Variants in CAMKMT observed in about 807,000 individuals in gnomAD.
The protein encoded by CAMKMT is CaM KMT.
In CAMKMT, 53 loss-of-function variants were observed where a neutral mutation model predicts 48.0. The ratio of observed to expected loss-of-function variants is 1.10; its 90% CI spans 0.89 to 1.39. CAMKMT has a LOEUF of 1.39. Ranked by LOEUF, CAMKMT falls within the 40% of genes most tolerant of loss-of-function variation. CAMKMT has a pLI of 0.00. For missense variants in CAMKMT, 428 were observed against 402.7 expected (o/e 1.06, Z -0.54); for synonymous variants, 165 against 152.3 (o/e 1.08, Z -0.61).
chr2:44,685,351 G>A (rs1033707543), intron 3 of CAMKMT, among the ~76,000 whole-genome samples: 3 of 152,146 alleles, frequency 2.0e-5, no homozygotes, highest in African/African-American at 7.2e-5. Flanking sequence ...AATCAAGGGA[G>A]GGAGAAAGCA....
At chr2:44,459,313 T>C (rs1488497417) in intron 3 of CAMKMT, among the ~76,000 whole-genome samples, 1 of 152,208 alleles carries the variant, frequency 6.6e-6, no homozygotes, top group Non-Finnish European at 1.5e-5. Flanking sequence ...AATGCCTGAT[T>C]ATACACAAAC....
chr2:44,605,328 A>G (rs964928383), intron 3 of CAMKMT, among the ~76,000 whole-genome samples: 2 of 152,064 alleles, frequency 1.3e-5, no homozygotes, highest in Admixed American at 6.5e-5. Flanking sequence ...TGTTTTTGTT[A>G]TGGCCTTTAC....
intron 3 of CAMKMT, among the ~76,000 whole-genome samples, chr2:44,439,777 C>T (rs1666524641): frequency 6.7e-6 from 1 of 149,316 alleles, no homozygotes. Context: ...GAGCAAGACT[C>T]CATCTCATAA....
intron 3 of CAMKMT, among the ~76,000 whole-genome samples, chr2:44,490,981 C>G (rs1051999900): frequency 7.2e-5 from 11 of 151,894 alleles, no homozygotes; most frequent in Non-Finnish European, 1.5e-5. Context: ...GAAACCTTGT[C>G]TCTACAAAAA....
At chr2:44,525,263 A>AT (rs990155792) in intron 3 of CAMKMT, among the ~76,000 whole-genome samples, 3,545 of 150,068 alleles carry the variant, frequency 0.024, 154 homozygotes, top group African/African-American at 0.082. Flanking sequence ...CTAAAGAGAT[A>AT]TTTTTTTTTT....
intron 3 of CAMKMT, chr2:44,456,475 C>T: frequency 6.9e-7 from 1 of 1,453,620 alleles, no homozygotes; most frequent in South Asian, 1.3e-5. Flanking sequence ...TATGTACATT[C>T]TTGTGAAAGA....
chr2:44,435,362 G>A (rs1183115128), intron 3 of CAMKMT, among the ~76,000 whole-genome samples: 1 of 152,034 alleles, frequency 6.6e-6, no homozygotes, highest in Non-Finnish European at 1.5e-5. Flanking sequence ...TTCAAGCATG[G>A]CACTTACAGT....
At chr2:44,715,704 C>T (rs941394713) in intron 7 of CAMKMT, among the ~76,000 whole-genome samples, 1 of 152,142 alleles carries the variant, frequency 6.6e-6, no homozygotes, top group Non-Finnish European at 1.5e-5. Context: ...GTTTTGCCCC[C>T]AAGGGGACTT....
chr2:44,465,323 C>T (rs541576851), intron 3 of CAMKMT, among the ~76,000 whole-genome samples: 61 of 152,106 alleles, frequency 4.0e-4, no homozygotes, highest in Middle Eastern at 3.4e-3. Context: ...ACAGGCTGGA[C>T]GCAGTAGATC....
intron 7 of CAMKMT, among the ~76,000 whole-genome samples, chr2:44,742,851 T>C (rs62132357): frequency 0.082 from 12,410 of 151,956 alleles, 625 homozygotes; most frequent in South Asian, 0.15. Flanking sequence ...AAATAGAAAA[T>C]AGGAACAGAA....
intron 3 of CAMKMT, among the ~76,000 whole-genome samples, chr2:44,642,084 C>T (rs1480036643): frequency 6.6e-6 from 1 of 152,166 alleles, no homozygotes; most frequent in Non-Finnish European, 1.5e-5. Context: ...TTTTATCATA[C>T]AGACATAGTA....
At chr2:44,622,401 T>C (rs767837483) in intron 3 of CAMKMT, among the ~76,000 whole-genome samples, 13 of 152,204 alleles carry the variant, frequency 8.5e-5, no homozygotes, top group Non-Finnish European at 1.0e-4. Flanking sequence ...CAAAGACATA[T>C]TGCATGATGC....
chr2:44,513,551 CTTAAGAAAGATGTT>C (rs997796951), intron 3 of CAMKMT, among the ~76,000 whole-genome samples: 2 of 152,092 alleles, frequency 1.3e-5, no homozygotes, highest in Non-Finnish European at 2.9e-5. Flanking sequence ...GACTGTGAAA[CTTAAGAAAGATGTT>C]TCAAGTTCTT....
chr2:44,567,749 A>AT (rs1668692771), intron 3 of CAMKMT, among the ~76,000 whole-genome samples: 1 of 151,992 alleles, frequency 6.6e-6, no homozygotes, highest in Non-Finnish European at 1.5e-5. Context: ...TGCTAGCACA[A>AT]CTTTTGGCAG....
intron 7 of CAMKMT, among the ~76,000 whole-genome samples, chr2:44,721,562 C>T (rs1294523973): frequency 6.6e-6 from 1 of 152,132 alleles, no homozygotes. Context: ...ATATAATTTA[C>T]TTACTATACA....
chr2:44,691,331 G>A (rs550224132), intron 3 of CAMKMT, among the ~76,000 whole-genome samples: 8 of 152,168 alleles, frequency 5.3e-5, no homozygotes, highest in Non-Finnish European at 8.8e-5. Context: ...TCAGCCCTAC[G>A]ACCAGGGCCT....
intron 3 of CAMKMT, among the ~76,000 whole-genome samples, chr2:44,563,368 GTAT>G (rs1240441172): frequency 2.0e-5 from 3 of 151,550 alleles, no homozygotes; most frequent in African/African-American, 7.3e-5. Context: ...TATTTTAATA[GTAT>G]TATTGTTTTG....
chr2:44,409,168 T>C lies in CAMKMT; in HGVS notation c.376+18863T>C, dbSNP rs866489852. 5.7e-4 allele frequency among the ~76,000 whole-genome samples: 6 copies of C among 10,562 alleles called. 2 individuals carry two copies. The East Asian group carries it at 8.4e-3, about 15-fold the overall frequency. 6.9% of individuals were successfully genotyped at this position (10,562 alleles called of 152,430 possible). On this transcript the variant is annotated intron_variant, in intron 3 of 10. Transcript: ENST00000378494. ...ATATATATATATATATATATATATA[T>C]ATATATATATATATGTATATTGCTA...
At chr2:44,468,846 A>T (rs28684751) in intron 3 of CAMKMT, among the ~76,000 whole-genome samples, 4,380 of 152,242 alleles carry the variant, frequency 0.029, 203 homozygotes, top group African/African-American at 0.1. Flanking sequence ...TTGAGCTGGG[A>T]GGTTGAGGCT....
Sources: allele counts gnomAD v4.1 joint callset (sites outside exome capture counted in the v4.1 genomes callset), GRCh38; gene constraint gnomAD v4.1.1; transcripts MANE v1.5; gene names NCBI Gene and HGNC (gene_info 2026-07-23, HGNC 2026-07-21).